The following WWOX variants were observed in gnomAD, a reference collection of about 807,000 sequenced individuals.
WWOX encodes the protein WW domain-containing oxidoreductase.
Under a neutral mutation model 46.2 loss-of-function variants are expected in WWOX, and 69 were observed. The ratio of observed to expected loss-of-function variants is 1.49; its 90% CI spans 1.23 to 1.82. WWOX has a LOEUF of 1.82. Among genes scored for constraint, WWOX ranks in the 40% most tolerant of loss-of-function variants. WWOX has a pLI of 0.00. For missense variants in WWOX, 919 were observed against 542.6 expected (o/e 1.69, Z -6.89); for synonymous variants, 359 against 202.6 (o/e 1.77, Z -6.56).
chr16:78,462,764 C>T (rs1327644035), intron 8 of WWOX, among the ~76,000 whole-genome samples: 2 of 152,208 alleles, frequency 1.3e-5, no homozygotes, highest in South Asian at 2.1e-4. Context: ...GTAAACTCGT[C>T]CTGCCGCCTG....
intron 8 of WWOX, among the ~76,000 whole-genome samples, chr16:78,494,812 G>T (rs1025356060): frequency 6.6e-6 from 1 of 152,152 alleles, no homozygotes; most frequent in East Asian, 1.9e-4. Flanking sequence ...TTACAGTCAA[G>T]ATCCTATAGC....
chr16:78,119,901 C>T (rs1465394678), intron 4 of WWOX, among the ~76,000 whole-genome samples: 2 of 152,110 alleles, frequency 1.3e-5, no homozygotes, highest in African/African-American at 2.4e-5. Context: ...AGAGTTTGGT[C>T]CAGATGAAGT....
chr16:78,639,246 C>T (rs1480791581), intron 8 of WWOX, among the ~76,000 whole-genome samples: 1 of 152,144 alleles, frequency 6.6e-6, no homozygotes, highest in African/African-American at 2.4e-5. Context: ...GCATCAATGA[C>T]ACATGCAGTG....
chr16:78,817,565 A>T (rs1006224393), intron 8 of WWOX, among the ~76,000 whole-genome samples: 2 of 152,328 alleles, frequency 1.3e-5, no homozygotes, highest in African/African-American at 2.4e-5. Context: ...AACCCATGCC[A>T]AGTTGGCTAC....
At chr16:78,484,119 T>C (rs909990704) in intron 8 of WWOX, among the ~76,000 whole-genome samples, 2 of 152,246 alleles carry the variant, frequency 1.3e-5, no homozygotes, top group Non-Finnish European at 2.9e-5. Context: ...ATACATTGTC[T>C]TTTTGCATAT....
chr16:78,468,935 C>G (rs1217105693), intron 8 of WWOX, among the ~76,000 whole-genome samples: 2 of 152,144 alleles, frequency 1.3e-5, no homozygotes, highest in Non-Finnish European at 2.9e-5. Context: ...AAAGTATATT[C>G]AAGAGCGAAA....
chr16:78,714,018 G>C (rs761645610), intron 8 of WWOX, among the ~76,000 whole-genome samples: 55 of 152,126 alleles, frequency 3.6e-4, no homozygotes, highest in African/African-American at 8.9e-4. Flanking sequence ...ACTGCATTTG[G>C]GGGGAAGGTA....
At chr16:78,992,456 C>T (rs576955963) in intron 8 of WWOX, among the ~76,000 whole-genome samples, 1 of 152,184 alleles carries the variant, frequency 6.6e-6, no homozygotes, top group South Asian at 2.1e-4. Context: ...AAAAGAGTGA[C>T]ACTCTATCTC....
intron 8 of WWOX, among the ~76,000 whole-genome samples, chr16:78,448,197 T>C (rs989307710): frequency 2.6e-5 from 4 of 152,198 alleles, no homozygotes; most frequent in Non-Finnish European, 5.9e-5. Context: ...TGTGAGTATG[T>C]GGTCCCTTCA....
chr16:79,005,948 G>A (rs995950025), intron 8 of WWOX, among the ~76,000 whole-genome samples: 1 of 152,136 alleles, frequency 6.6e-6, no homozygotes, highest in African/African-American at 2.4e-5. Flanking sequence ...CCATACTCTG[G>A]TTACCCACTG....
intron 8 of WWOX, among the ~76,000 whole-genome samples, chr16:78,830,256 A>G (rs748679230): frequency 6.6e-6 from 1 of 152,188 alleles, no homozygotes; most frequent in Non-Finnish European, 1.5e-5. Flanking sequence ...TGATATTTAT[A>G]TGGGGTTATT....
intron 8 of WWOX, among the ~76,000 whole-genome samples, chr16:79,117,403 G>A (rs928637794): frequency 1.1e-4 from 16 of 152,294 alleles, no homozygotes; most frequent in Non-Finnish European, 1.8e-4. Context: ...ATAAATAGAC[G>A]TGGTCTCATC....
rs537376633 is a variant in WWOX at position 79,040,923 on chromosome 16, G to A, written c.1057-170685G>A. Among the ~76,000 whole-genome samples, 3 of 152,224 alleles carry A rather than the reference G, an allele frequency of 2.0e-5. No individual in the cohort carries two copies. The South Asian group carries it at 6.2e-4, about 32-fold the overall frequency. On this transcript the variant is annotated intron_variant, in intron 8 of 8. Coordinates refer to ENST00000566780, the MANE Select transcript of WWOX (RefSeq NM_016373.4). ...AGAGGTTGCTCCTGGGTTGCAGGAC[G>A]CATCCATGGATGGAGCATGGGTTTT...
intron 5 of WWOX, among the ~76,000 whole-genome samples, chr16:78,210,397 A>G (rs2036522812): frequency 6.6e-6 from 1 of 152,190 alleles, no homozygotes; most frequent in Non-Finnish European, 1.5e-5. Flanking sequence ...CAGGCTAATG[A>G]CAAAGCCCTG....
intron 6 of WWOX, among the ~76,000 whole-genome samples, chr16:78,387,718 G>T (rs1028085381): frequency 1.3e-5 from 2 of 151,982 alleles, no homozygotes; most frequent in African/African-American, 4.8e-5. Flanking sequence ...CATATTTAGG[G>T]CAGGCAATCC....
At chr16:78,949,634 C>G (rs1215843815) in intron 8 of WWOX, among the ~76,000 whole-genome samples, 1 of 152,202 alleles carries the variant, frequency 6.6e-6, no homozygotes, top group African/African-American at 2.4e-5. Context: ...TTTAATCCAC[C>G]TCTCCAAGGC....
rs1267827584 is a variant in WWOX at position 78,115,991 on chromosome 16, C to T, written c.409+837C>T. 5.9e-5 allele frequency among the ~76,000 whole-genome samples: 9 copies of T among 152,134 alleles called. 1 individual carries two copies. Among genetic ancestry groups the T allele is most frequent in the African/African-American group, 1.9e-4 (8 of 41,502 alleles). On this transcript the variant is annotated intron_variant, in intron 4 of 8. Transcript: ENST00000566780. ...CTCCTCTACTCATTTGTTTCTCTTT[C>T]CTAATTTTGTTTTTATTTTTATTTT...
intron 6 of WWOX, among the ~76,000 whole-genome samples, chr16:78,392,693 TAACTC>T (rs1235429627): frequency 1.3e-5 from 2 of 152,180 alleles, no homozygotes; most frequent in African/African-American, 2.4e-5. Context: ...AAAGGGTAGA[TAACTC>T]AAGAGACTCA....
intron 5 of WWOX, among the ~76,000 whole-genome samples, chr16:78,221,913 G>C (rs1035302799): frequency 6.6e-6 from 1 of 152,064 alleles, no homozygotes; most frequent in South Asian, 2.1e-4. Flanking sequence ...GGCCCTATTT[G>C]TCTTCCTTAT....
Sources: gnomAD v4.1 joint callset for allele counts (sites outside exome capture counted in the v4.1 genomes callset) on GRCh38, gnomAD v4.1.1 for gene constraint, MANE v1.5 for transcripts, NCBI Gene and HGNC (gene_info 2026-07-23, HGNC 2026-07-21) for gene names.